TOX: variants seen among roughly 807,000 people sequenced by gnomAD.
TOX encodes thymocyte selection associated high mobility group box.
In TOX, 11 loss-of-function variants were observed where a neutral mutation model predicts 53.7. The ratio of observed to expected loss-of-function variants is 0.20; its 90% CI spans 0.13 to 0.34. TOX has a LOEUF of 0.34. TOX is among the 10% of genes least tolerant of loss of function. The pLI, the probability that TOX is intolerant of heterozygous loss-of-function variation, is 1.00. For synonymous variants in TOX, 225 were observed against 245.3 expected (o/e 0.92, Z 0.77); for missense variants, 570 against 664.6 (o/e 0.86, Z 1.56).
At chr8:59,040,005 A>G (rs1173729730) in intron 1 of TOX, among the ~76,000 whole-genome samples, 4 of 152,224 alleles carry the variant, frequency 2.6e-5, no homozygotes, top group Non-Finnish European at 4.4e-5. Context: ...AGAATTTCAA[A>G]TGTGAAAAAT....
chr8:59,034,231 C>T lies in TOX; in HGVS notation c.103-74223G>A, dbSNP rs148870002. The stretch of plus-strand genomic sequence containing the variant: ...TAGAACAGCTGCCAACAGTCCCAAA[C>T]GATCATTAATAAGTTAACCGTTACC... On this transcript the variant is annotated intron_variant, in intron 1 of 8. Transcript: ENST00000361421. Among the ~76,000 whole-genome samples, 696 of 152,326 alleles carry T rather than the reference C, an allele frequency of 4.6e-3. 6 individuals carry two copies. Among genetic ancestry groups the T allele is most frequent in the South Asian group, 0.023 (113 of 4,826 alleles).
At chr8:59,004,034 A>G (rs369153859) in intron 1 of TOX, among the ~76,000 whole-genome samples, 14 of 152,374 alleles carry the variant, frequency 9.2e-5, no homozygotes, top group East Asian at 7.7e-4. Context: ...AAATCACTAC[A>G]TTCTATTGAT....
intron 2 of TOX, among the ~76,000 whole-genome samples, chr8:58,958,177 C>T (rs1188699360): frequency 1.3e-5 from 2 of 152,052 alleles, no homozygotes; most frequent in Non-Finnish European, 2.9e-5. Context: ...TCACTGGTAT[C>T]CAAAACATTC....
chr8:59,056,614 T>C (rs897034583), intron 1 of TOX, among the ~76,000 whole-genome samples: 1 of 152,164 alleles, frequency 6.6e-6, no homozygotes, highest in Non-Finnish European at 1.5e-5. Flanking sequence ...TCTGAGCTTA[T>C]GGAAACCCAA....
At chr8:59,052,430 T>C (rs900043819) in intron 1 of TOX, among the ~76,000 whole-genome samples, 7 of 152,226 alleles carry the variant, frequency 4.6e-5, no homozygotes, top group Non-Finnish European at 1.0e-4. Flanking sequence ...TTATGCTTAT[T>C]TATGTTAAAG....
intron 3 of TOX, among the ~76,000 whole-genome samples, chr8:58,853,787 T>C (rs988820731): frequency 6.6e-6 from 1 of 152,210 alleles, no homozygotes; most frequent in Non-Finnish European, 1.5e-5. Context: ...TAGATGTACA[T>C]GTAACTTCTA....
At chr8:59,018,991 C>T (rs1814069580) in intron 1 of TOX, among the ~76,000 whole-genome samples, 1 of 152,066 alleles carries the variant, frequency 6.6e-6, no homozygotes, top group African/African-American at 2.4e-5. Context: ...ATTGTTAAGC[C>T]TTGTAGCCTG....
chr8:59,058,734 G>A (rs1170060306), intron 1 of TOX, among the ~76,000 whole-genome samples: 1 of 152,166 alleles, frequency 6.6e-6, no homozygotes, highest in African/African-American at 2.4e-5. Context: ...AGGAGCTCAG[G>A]AGGCTCCATG....
intron 3 of TOX, among the ~76,000 whole-genome samples, chr8:58,904,545 C>T (rs12114296): frequency 0.026 from 3,912 of 152,216 alleles, 157 homozygotes; most frequent in African/African-American, 0.088. Context: ...GTTCTATTGA[C>T]CCAACATGAC....
Position 58,959,986 on chromosome 8 carries a change from A to T in TOX, c.125T>A (p.Met42Lys). The T allele has an allele frequency of 6.2e-7, 1 of 1,614,188 alleles. No homozygotes were observed. The highest frequency in any genetic ancestry group is 8.5e-7 in the Non-Finnish European group (1 of 1,180,018). ...CNKFDGENMYMSMTEPSQDYV... is the reference protein window; with the variant it reads ...CNKFDGENMYKSMTEPSQDYV... Reference sequence around the variant, plus strand: ...GTCCTGGCTCGGCTCTGTCATGCTCATATACATGTTCTCACCGTCAAACTG... The same window carrying T: ...GTCCTGGCTCGGCTCTGTCATGCTCTTATACATGTTCTCACCGTCAAACTG... Residue 42 changes from methionine (M) to lysine (K), a missense_variant, in exon 2 of 9, where the codon ATG becomes AAG. This residue lies in a region of TOX where 282 missense variants were observed against 315.0 expected (regional missense o/e 0.90). Coordinates refer to ENST00000361421, the MANE Select transcript of TOX (RefSeq NM_014729.3).
intron 1 of TOX, among the ~76,000 whole-genome samples, chr8:59,113,686 A>C (rs1448985352): frequency 6.6e-6 from 1 of 152,062 alleles, no homozygotes; most frequent in African/African-American, 2.4e-5. Context: ...TGGGGAGGAG[A>C]CTAGCAAAAG....
intron 2 of TOX, among the ~76,000 whole-genome samples, chr8:58,944,563 T>C (rs1812496050): frequency 1.3e-5 from 2 of 152,310 alleles, no homozygotes; most frequent in South Asian, 2.1e-4. Context: ...TTGCCAAGAA[T>C]TGAGGCTTTG....
At chr8:58,942,308 C>T (rs1205011343) in intron 2 of TOX, among the ~76,000 whole-genome samples, 4 of 151,998 alleles carry the variant, frequency 2.6e-5, no homozygotes, top group Non-Finnish European at 5.9e-5. Flanking sequence ...AATTGTATTG[C>T]AATTGAGTTA....
chr8:58,953,113 C>A (rs1055781835), intron 2 of TOX, among the ~76,000 whole-genome samples: 9 of 151,730 alleles, frequency 5.9e-5, no homozygotes, highest in African/African-American at 2.2e-4. Context: ...CAATACCCAA[C>A]TAAAATAATA....
intron 2 of TOX, among the ~76,000 whole-genome samples, chr8:58,940,850 C>T (rs1448621953): frequency 6.6e-6 from 1 of 152,172 alleles, no homozygotes; most frequent in East Asian, 1.9e-4. Context: ...TCAAGTTCCA[C>T]TTTCTAAATG....
intron 3 of TOX, among the ~76,000 whole-genome samples, chr8:58,932,507 C>T (rs930723928): frequency 3.3e-5 from 5 of 152,116 alleles, no homozygotes; most frequent in South Asian, 2.1e-4. Flanking sequence ...TAAGCTCCTC[C>T]GTGTTCTGAA....
intron 7 of TOX, among the ~76,000 whole-genome samples, chr8:58,813,096 G>A (rs1810111213): frequency 6.6e-6 from 1 of 152,176 alleles, no homozygotes; most frequent in Non-Finnish European, 1.5e-5. Context: ...TAACAGAACT[G>A]ACTTAAAGGA....
At chr8:58,865,827 C>CT (rs768072284) in intron 3 of TOX, among the ~76,000 whole-genome samples, 12,043 of 90,844 alleles carry the variant, frequency 0.13, 1,875 homozygotes, top group Non-Finnish European at 0.18. Flanking sequence ...ATGACAGTGG[C>CT]TTTTTTTTTT....
At chr8:58,814,871 G>C (rs117801952) in intron 7 of TOX, among the ~76,000 whole-genome samples, 152 of 152,234 alleles carry the variant, frequency 1.0e-3, no homozygotes, top group Non-Finnish European at 1.9e-3. Flanking sequence ...ATTTGGTGTT[G>C]GACCTGATTT....
Sources: gnomAD v4.1 joint callset for allele counts (sites outside exome capture counted in the v4.1 genomes callset) on GRCh38, gnomAD v4.1.1 for gene constraint, gnomAD v4.1.1 regional missense constraint, MANE v1.5 for transcripts, NCBI Gene and HGNC (gene_info 2026-07-23, HGNC 2026-07-21) for gene names.